GPR158: variants seen among roughly 807,000 people sequenced by gnomAD.
GPR158 encodes G protein-coupled receptor 158.
GPR158 carries 30 observed loss-of-function variants against 78.2 expected under a neutral mutation model. That is an observed-to-expected ratio of 0.38 (90% CI 0.29 to 0.52). The LOEUF is 0.52. GPR158 is among the 20% of genes least tolerant of loss of function. The pLI is 0.83. For synonymous variants in GPR158, 581 were observed against 591.1 expected, an observed-to-expected ratio of 0.98 and a Z score of 0.25; for missense variants, 1,463 against 1,523.5, an observed-to-expected ratio of 0.96 and a Z score of 0.66.
At chr10:25,577,546 G>GT (rs1205722752) in intron 7 of GPR158, among the ~76,000 whole-genome samples, 1 of 152,162 alleles carries the variant, frequency 6.6e-6, no homozygotes, top group Middle Eastern at 3.2e-3. Flanking sequence ...TGAAATACTA[G>GT]TTTTTCCACT....
chr10:25,372,573 T>C (rs1834012139), intron 2 of GPR158, among the ~76,000 whole-genome samples: 1 of 146,342 alleles, frequency 6.8e-6, no homozygotes, highest in African/African-American at 2.5e-5. Context: ...ATGGACGAAA[T>C]TGGAAATCAC....
At chr10:25,444,903 TTAA>T (rs1314026579) in intron 4 of GPR158, among the ~76,000 whole-genome samples, 1 of 152,160 alleles carries the variant, frequency 6.6e-6, no homozygotes, top group Non-Finnish European at 1.5e-5. Context: ...ATGAGACTTC[TTAA>T]GGAGGGGACT....
At chr10:25,428,481 A>G (rs979133742) in intron 4 of GPR158, among the ~76,000 whole-genome samples, 1 of 151,994 alleles carries the variant, frequency 6.6e-6, no homozygotes, top group Non-Finnish European at 1.5e-5. Flanking sequence ...GATCCAGAGA[A>G]CTCTTCTAAG....
chr10:25,347,509 A>G (rs1760757), intron 2 of GPR158, among the ~76,000 whole-genome samples: 123,319 of 151,554 alleles, frequency 0.81, 51,152 homozygotes, highest in African/African-American at 0.89. Flanking sequence ...CATGCCTAAT[A>G]CTTTATGGTA....
rs553520837 is a variant in GPR158, at chr10:25,521,677, G to T, written c.1405-29299G>T. ...TAGACTATGTCAGAGGGAAGATCTGGGGTGAAAGAGCTGCTGGTCAGTAAA... is the reference window on the plus strand; with the variant it reads ...TAGACTATGTCAGAGGGAAGATCTGTGGTGAAAGAGCTGCTGGTCAGTAAA... On this transcript the variant is annotated intron_variant, in intron 5 of 10. Transcript: ENST00000376351. Among the ~76,000 whole-genome samples the T allele has an allele frequency of 7.2e-4, 110 of 152,304 alleles. 1 individual carries two copies. Among genetic ancestry groups the T allele is most frequent in the South Asian group, 5.6e-3 (27 of 4,828 alleles).
chr10:25,352,696 T>C (rs74123869), intron 2 of GPR158, among the ~76,000 whole-genome samples: 11,707 of 152,026 alleles, frequency 0.077, 1,096 homozygotes, highest in African/African-American at 0.23. Context: ...AGATACCTTC[T>C]AGTTCTAAGA....
rs200673251 is a variant in GPR158 at position 25,372,817 on chromosome 10, C to G, written c.1009-23094C>G. 8.3e-5 allele frequency among the ~76,000 whole-genome samples: 12 copies of G among 143,776 alleles called. No individual in the cohort carries two copies. In the East Asian group the frequency reaches 2.1e-3, roughly 25 times the overall value. 94.3% of individuals were successfully genotyped at this position (143,776 alleles called of 152,430 possible). A position where few individuals can be genotyped will look rare whatever the true frequency, so the allele number is the denominator to read the frequency against. ...GGAACAGGTATACATATGTAACTAACCTGCACATTGTGCACATGTACCCTA... is the reference window on the plus strand; with the variant it reads ...GGAACAGGTATACATATGTAACTAAGCTGCACATTGTGCACATGTACCCTA... On this transcript the variant is annotated intron_variant, in intron 2 of 10. Coordinates refer to ENST00000376351, the MANE Select transcript of GPR158 (RefSeq NM_020752.3).
chr10:25,220,828 AG>A (rs1831043001), intron 1 of GPR158, among the ~76,000 whole-genome samples: 2 of 152,320 alleles, frequency 1.3e-5, no homozygotes, highest in African/African-American at 4.8e-5. Context: ...GCATTATATA[AG>A]GAAGTGAAGA....
At chr10:25,547,336 A>G (rs868741006) in intron 5 of GPR158, among the ~76,000 whole-genome samples, 3 of 151,022 alleles carry the variant, frequency 2.0e-5, no homozygotes, top group Admixed American at 6.6e-5. Context: ...TCTCCACCCT[A>G]TTATTCAAAG....
intron 7 of GPR158, among the ~76,000 whole-genome samples, chr10:25,586,536 G>A (rs1164366914): frequency 6.6e-6 from 1 of 151,434 alleles, no homozygotes; most frequent in East Asian, 1.9e-4. Context: ...CTGAGTAGCT[G>A]GGACCACAGG....
chr10:25,461,730 T>TGAC (rs1835360425), intron 4 of GPR158, among the ~76,000 whole-genome samples: 2 of 142,252 alleles, frequency 1.4e-5, no homozygotes, highest in African/African-American at 5.7e-5. Flanking sequence ...CATCTAGGAC[T>TGAC]TTCTTTTTTT....
intron 2 of GPR158, among the ~76,000 whole-genome samples, chr10:25,282,722 A>AT (rs1190301205): frequency 6.6e-6 from 1 of 152,172 alleles, no homozygotes; most frequent in East Asian, 1.9e-4. Flanking sequence ...ATGACTAATA[A>AT]TGTTGAGCAT....
intron 1 of GPR158, among the ~76,000 whole-genome samples, chr10:25,179,425 G>A (rs1852586443): frequency 6.6e-6 from 1 of 151,962 alleles, no homozygotes; most frequent in African/African-American, 2.4e-5. Context: ...TATTTTCCCA[G>A]GTCTTACTTA....
rs1458849249 is a variant in GPR158, at chr10:25,349,762, A to C, written c.1009-46149A>C. Among the ~76,000 whole-genome samples the C allele has an allele frequency of 4.8e-5, 7 of 146,406 alleles. 2 individuals are homozygous for C. Among genetic ancestry groups the C allele is most frequent in the African/African-American group, 1.9e-4 (7 of 36,286 alleles). On this transcript the variant is annotated intron_variant, in intron 2 of 10. Coordinates refer to ENST00000376351, the MANE Select transcript of GPR158 (RefSeq NM_020752.3). Reference sequence around the variant, plus strand: ...CTTAAGAGCAGTATGACAATGGATTAATTCACCATGTAAGGGAACATATTC... The same window carrying C: ...CTTAAGAGCAGTATGACAATGGATTCATTCACCATGTAAGGGAACATATTC...
chr10:25,189,823 G>C (rs1305546146), intron 1 of GPR158, among the ~76,000 whole-genome samples: 2 of 141,420 alleles, frequency 1.4e-5, no homozygotes, highest in Non-Finnish European at 3.1e-5. Flanking sequence ...AAAGAGAAAA[G>C]AAAGGAAAGC....
At chr10:25,492,761 C>G (rs1835826550) in intron 5 of GPR158, among the ~76,000 whole-genome samples, 1 of 151,888 alleles carries the variant, frequency 6.6e-6, no homozygotes, top group African/African-American at 2.4e-5. Flanking sequence ...GAACTCATTT[C>G]ACTGGTCTTA....
At chr10:25,243,532 T>C (rs1853652625) in intron 2 of GPR158, among the ~76,000 whole-genome samples, 1 of 152,210 alleles carries the variant, frequency 6.6e-6, no homozygotes, top group South Asian at 2.1e-4. Flanking sequence ...TGTCATTCTG[T>C]ACTTGACTTT....
chr10:25,371,404 C>A (rs2130549856), intron 2 of GPR158, among the ~76,000 whole-genome samples: 2 of 151,884 alleles, frequency 1.3e-5, no homozygotes, highest in Admixed American at 1.3e-4. Context: ...CCATGTCAAT[C>A]CTAAGCCAAA....
At chr10:25,566,113 T>TA (rs1335169993) in intron 6 of GPR158, among the ~76,000 whole-genome samples, 1 of 152,170 alleles carries the variant, frequency 6.6e-6, no homozygotes, top group African/African-American at 2.4e-5. Context: ...GACAGGATCT[T>TA]ACAGGACTTT....
Sources: allele counts gnomAD v4.1 joint callset (sites outside exome capture counted in the v4.1 genomes callset), GRCh38; gene constraint gnomAD v4.1.1; transcripts MANE v1.5; gene names NCBI Gene and HGNC (gene_info 2026-07-23, HGNC 2026-07-21).